Variants in SHISA9 observed in about 807,000 individuals in gnomAD.
SHISA9 encodes the protein protein shisa-9.
In SHISA9, 13 loss-of-function variants were observed where a neutral mutation model predicts 38.0. That is an observed-to-expected ratio of 0.34 (90% CI 0.22 to 0.54). SHISA9 has a LOEUF of 0.54. Among genes scored for constraint, SHISA9 ranks in the 20% least tolerant of loss-of-function variants. The pLI is 0.91. For synonymous variants in SHISA9, 275 were observed against 242.0 expected, an observed-to-expected ratio of 1.14 and a Z score of -1.27; for missense variants, 538 against 575.8, an observed-to-expected ratio of 0.93 and a Z score of 0.67.
the SHISA9 span, among the ~76,000 whole-genome samples, chr16:13,314,168 C>G: frequency 1.3e-5 from 2 of 151,984 alleles, no homozygotes; most frequent in Non-Finnish European, 2.9e-5. Flanking sequence ...TCATTATGCA[C>G]TGGGAGCAAC....
intron 2 of SHISA9, among the ~76,000 whole-genome samples, chr16:13,032,770 C>T (rs1226254602): frequency 6.6e-6 from 1 of 152,150 alleles, no homozygotes; most frequent in Non-Finnish European, 1.5e-5. Context: ...AGAGAAGGTA[C>T]TCAAGCTTCA....
At chr16:13,252,203 G>C in the SHISA9 span, among the ~76,000 whole-genome samples, 44 of 152,150 alleles carry the variant, frequency 2.9e-4, no homozygotes, top group African/African-American at 1.1e-3. Context: ...CACTCACTCT[G>C]CTCCAGCCCC....
chr16:13,346,876 C>T, the SHISA9 span, among the ~76,000 whole-genome samples: 2 of 152,140 alleles, frequency 1.3e-5, no homozygotes, highest in Non-Finnish European at 2.9e-5. Context: ...GTGGTGCTTG[C>T]GTGTGCATGT....
chr16:13,023,792 G>A (rs2072887001), intron 2 of SHISA9, among the ~76,000 whole-genome samples: 1 of 152,088 alleles, frequency 6.6e-6, no homozygotes, highest in Admixed American at 6.5e-5. Context: ...ATTTTTTCGT[G>A]TGTCTGTTGG....
the SHISA9 span, among the ~76,000 whole-genome samples, chr16:13,337,172 C>T: frequency 3.9e-5 from 6 of 152,112 alleles, no homozygotes; most frequent in East Asian, 5.8e-4. Flanking sequence ...GATATGGTTT[C>T]GCTGTGTCCC....
chr16:12,941,441 T>G (rs973817052), intron 2 of SHISA9, among the ~76,000 whole-genome samples: 1 of 152,248 alleles, frequency 6.6e-6, no homozygotes, highest in Non-Finnish European at 1.5e-5. Context: ...TGATACAGTT[T>G]GATACAGGCA....
intron 2 of SHISA9, among the ~76,000 whole-genome samples, chr16:13,174,732 A>G (rs754219049): frequency 6.6e-6 from 1 of 152,092 alleles, no homozygotes; most frequent in Non-Finnish European, 1.5e-5. Context: ...AGATGAAATG[A>G]TCTCTCTCTT....
the SHISA9 span, among the ~76,000 whole-genome samples, chr16:13,366,839 T>C: frequency 2.1e-4 from 32 of 151,780 alleles, no homozygotes; most frequent in African/African-American, 7.5e-4. Flanking sequence ...AAAAATTAGG[T>C]GGGCATGGTG....
intron 2 of SHISA9, among the ~76,000 whole-genome samples, chr16:13,133,297 C>T (rs567691600): frequency 6.6e-6 from 1 of 152,244 alleles, no homozygotes; most frequent in South Asian, 2.1e-4. Context: ...GATGAAATGT[C>T]CATAAGATTA....
chr16:13,368,095 C>G, the SHISA9 span, among the ~76,000 whole-genome samples: 1 of 152,110 alleles, frequency 6.6e-6, no homozygotes, highest in Non-Finnish European at 1.5e-5. Flanking sequence ...CCTACTGTGC[C>G]TCAAGTGTTA....
chr16:13,535,502 G>C, the SHISA9 span, among the ~76,000 whole-genome samples: 1 of 152,140 alleles, frequency 6.6e-6, no homozygotes, highest in East Asian at 1.9e-4. Context: ...CCAGCAACCT[G>C]TTCTTGGAAA....
At chr16:13,328,884 C>T in the SHISA9 span, among the ~76,000 whole-genome samples, 3,041 of 152,228 alleles carry the variant, frequency 0.02, 85 homozygotes, top group African/African-American at 0.069. Context: ...ATTTTCCTTT[C>T]AATGAAAAGC....
the SHISA9 span, among the ~76,000 whole-genome samples, chr16:13,498,388 T>C: frequency 1.3e-5 from 2 of 152,172 alleles, no homozygotes; most frequent in African/African-American, 4.8e-5. Context: ...AGTAAACAAG[T>C]TGGAACTAAG....
chr16:12,943,508 A>G (rs969303747), intron 2 of SHISA9, among the ~76,000 whole-genome samples: 2 of 151,984 alleles, frequency 1.3e-5, no homozygotes, highest in African/African-American at 2.4e-5. Flanking sequence ...TTTATATTTT[A>G]CTTTGCTGTC....
chr16:12,990,585 G>A (rs2072371555), intron 2 of SHISA9, among the ~76,000 whole-genome samples: 1 of 152,134 alleles, frequency 6.6e-6, no homozygotes, highest in South Asian at 2.1e-4. Context: ...TTGGATCAGC[G>A]ATTCTCAATG....
intron 2 of SHISA9, among the ~76,000 whole-genome samples, chr16:12,927,486 C>T (rs371990132): frequency 4.6e-5 from 7 of 152,162 alleles, no homozygotes; most frequent in African/African-American, 1.4e-4. Context: ...GCAGTGTTAC[C>T]CTCCTGGGTT....
intron 1 of SHISA9, among the ~76,000 whole-genome samples, chr16:12,913,933 C>T (rs1310874405): frequency 1.3e-5 from 2 of 151,980 alleles, no homozygotes; most frequent in Non-Finnish European, 2.9e-5. Context: ...AGGTTGTTTC[C>T]GCTTGTTGGC....
chr16:13,340,317 C>T, the SHISA9 span, among the ~76,000 whole-genome samples: 1 of 152,192 alleles, frequency 6.6e-6, no homozygotes, highest in Non-Finnish European at 1.5e-5. Context: ...TCCCCAGATG[C>T]TTCCTCTTCT....
the SHISA9 span, among the ~76,000 whole-genome samples, chr16:13,529,366 T>G: frequency 6.6e-6 from 1 of 152,238 alleles, no homozygotes; most frequent in East Asian, 1.9e-4. Context: ...TCCTTTCTGC[T>G]GACTCCAAGT....
Sources: gnomAD v4.1 joint callset for allele counts (sites outside exome capture counted in the v4.1 genomes callset) on GRCh38, gnomAD v4.1.1 for gene constraint, MANE v1.5 for transcripts, NCBI Gene and HGNC (gene_info 2026-07-23, HGNC 2026-07-21) for gene names.